MAGI2: variants seen among roughly 807,000 people sequenced by gnomAD.
The protein encoded by MAGI2 is membrane associated guanylate kinase, WW and PDZ domain containing 2.
MAGI2 carries 35 observed loss-of-function variants against 133.3 expected under a neutral mutation model. The ratio of observed to expected loss-of-function variants is 0.26; its 90% CI spans 0.20 to 0.35. The LOEUF (loss-of-function observed/expected upper bound fraction) is 0.35, where lower values mean the gene tolerates loss of function less well. Among genes scored for constraint, MAGI2 ranks in the 10% least tolerant of loss-of-function variants. The probability of loss-of-function intolerance (pLI) is 1.00; values close to 1 mark genes in which losing one functional copy is unlikely to be tolerated. For missense variants in MAGI2, 1,636 were observed against 1,863.4 expected, an observed-to-expected ratio of 0.88 and a Z score of 2.25; for synonymous variants, 729 against 710.6, an observed-to-expected ratio of 1.03 and a Z score of -0.41.
chr7:78,449,539 CAG>C (rs1319768283), intron 6 of MAGI2, among the ~76,000 whole-genome samples: 2 of 152,044 alleles, frequency 1.3e-5, no homozygotes, highest in African/African-American at 2.4e-5. Context: ...AAGTTCTAAG[CAG>C]AGTCTTGCTC....
intron 2 of MAGI2, among the ~76,000 whole-genome samples, chr7:78,704,777 T>TCTTTTTTTTTTCC: frequency 1.7e-5 from 2 of 117,972 alleles, no homozygotes; most frequent in South Asian, 5.3e-4. Flanking sequence ...AGGCCATTAT[T>TCTTTTTTTTTTCC]CTTTTTTTTT....
intron 2 of MAGI2, among the ~76,000 whole-genome samples, chr7:78,697,069 A>G (rs1186353953): frequency 6.6e-6 from 1 of 152,212 alleles, no homozygotes; most frequent in Non-Finnish European, 1.5e-5. Context: ...ACAAGGTGAA[A>G]CTATAATTTG....
chr7:78,204,344 T>A (rs1485124166), intron 10 of MAGI2, among the ~76,000 whole-genome samples: 2 of 152,152 alleles, frequency 1.3e-5, no homozygotes, highest in African/African-American at 4.8e-5. Flanking sequence ...ATTCTAAGCA[T>A]TTTGCTAGGC....
At chr7:78,729,208 A>G (rs900539490) in intron 2 of MAGI2, among the ~76,000 whole-genome samples, 2 of 152,232 alleles carry the variant, frequency 1.3e-5, no homozygotes, top group Non-Finnish European at 1.5e-5. Context: ...CCACTGGGAT[A>G]CAAGTTAAGA....
At chr7:78,873,670 C>T (rs477480) in intron 2 of MAGI2, among the ~76,000 whole-genome samples, 104,896 of 151,924 alleles carry the variant, frequency 0.69, 36,507 homozygotes, top group Middle Eastern at 0.76. Flanking sequence ...AAATGTAATG[C>T]GCTTGAATCA....
At chr7:78,863,341 A>G (rs1230599599) in intron 2 of MAGI2, among the ~76,000 whole-genome samples, 1 of 152,132 alleles carries the variant, frequency 6.6e-6, no homozygotes, top group Non-Finnish European at 1.5e-5. Context: ...AAAATTGTGC[A>G]TCTGGTGAAA....
At chr7:79,152,729 C>T (rs1301289868) in intron 1 of MAGI2, among the ~76,000 whole-genome samples, 5 of 152,140 alleles carry the variant, frequency 3.3e-5, no homozygotes, top group African/African-American at 9.7e-5. Flanking sequence ...TTAGGTGGAG[C>T]AGACAGGTTG....
intron 6 of MAGI2, among the ~76,000 whole-genome samples, chr7:78,425,323 C>T (rs772883454): frequency 1.3e-5 from 2 of 152,110 alleles, no homozygotes; most frequent in Non-Finnish European, 2.9e-5. Flanking sequence ...TCCTCAGCCA[C>T]GTGGAACTGT....
chr7:78,481,985 G>A (rs1470699565), intron 6 of MAGI2, among the ~76,000 whole-genome samples: 2 of 151,820 alleles, frequency 1.3e-5, no homozygotes, highest in African/African-American at 2.4e-5. Flanking sequence ...TGCAGACTTG[G>A]AGAAAATGTT....
chr7:79,444,520 C>G (rs1406678627), intron 1 of MAGI2, among the ~76,000 whole-genome samples: 1 of 152,124 alleles, frequency 6.6e-6, no homozygotes, highest in Non-Finnish European at 1.5e-5. Flanking sequence ...ACACCAATAA[C>G]AGACAAACAC....
chr7:78,502,582 C>CTATTT (rs71517021), intron 4 of MAGI2, among the ~76,000 whole-genome samples: 76,031 of 151,390 alleles, frequency 0.5, 19,306 homozygotes, highest in South Asian at 0.57. Context: ...TATGATTATT[C>CTATTT]TATTATTTGT....
At chr7:79,146,667 C>A (rs1325356477) in intron 1 of MAGI2, among the ~76,000 whole-genome samples, 3 of 152,198 alleles carry the variant, frequency 2.0e-5, no homozygotes, top group Non-Finnish European at 4.4e-5. Flanking sequence ...CTCTTGCTTG[C>A]CATCATGTAA....
chr7:78,263,438 A>C (rs944661360), intron 9 of MAGI2, among the ~76,000 whole-genome samples: 1 of 152,168 alleles, frequency 6.6e-6, no homozygotes, highest in East Asian at 1.9e-4. Context: ...AACTTCTGCA[A>C]TAGTCTCTTA....
At chr7:79,292,800 A>AAAAAAAAG (rs1836608421) in intron 1 of MAGI2, among the ~76,000 whole-genome samples, 2 of 144,618 alleles carry the variant, frequency 1.4e-5, no homozygotes, top group Non-Finnish European at 1.5e-5. Flanking sequence ...AAAAAAAAAA[A>AAAAAAAAG]GGCAGCTCCT....
intron 1 of MAGI2, among the ~76,000 whole-genome samples, chr7:79,399,998 T>C (rs149278347): frequency 6.6e-6 from 1 of 152,320 alleles, no homozygotes; most frequent in African/African-American, 2.4e-5. Flanking sequence ...CAGGAAAATA[T>C]ATGTGAGTGC....
intron 20 of MAGI2, among the ~76,000 whole-genome samples, chr7:78,110,873 A>C (rs1819291718): frequency 6.6e-6 from 1 of 152,214 alleles, no homozygotes; most frequent in Non-Finnish European, 1.5e-5. Flanking sequence ...AGAAACGTGA[A>C]TGGCCTGAGA....
rs758074514 is a variant in MAGI2 at position 78,177,966 on chromosome 7, A to G, written c.2403+45T>C. On this transcript the variant is annotated intron_variant, in intron 14 of 21. Coordinates refer to ENST00000354212, the MANE Select transcript of MAGI2 (RefSeq NM_012301.4). ...ACACTATTTTCCCTGGTGTTTACTC[A>G]TACAATACAGCCCCAAGCATGGAAA... 4 of 1,365,480 alleles carry G rather than the reference A, an allele frequency of 2.9e-6. No homozygotes were observed. The African/African-American group carries it at 4.3e-5, about 15-fold the overall frequency. 84.6% of individuals were successfully genotyped at this position (1,365,480 alleles called of 1,614,324 possible).
At chr7:78,532,708 A>G (rs1247066313) in intron 3 of MAGI2, among the ~76,000 whole-genome samples, 1 of 152,254 alleles carries the variant, frequency 6.6e-6, no homozygotes, top group East Asian at 1.9e-4. Flanking sequence ...ATTTAGATGT[A>G]AGTAGTACTA....
intron 13 of MAGI2, among the ~76,000 whole-genome samples, chr7:78,184,094 A>G (rs936380736): frequency 6.6e-6 from 1 of 152,204 alleles, no homozygotes; most frequent in Non-Finnish European, 1.5e-5. Context: ...CTACTGGGCC[A>G]TTCTCCTTCT....
Sources: gnomAD v4.1 joint callset for allele counts (sites outside exome capture counted in the v4.1 genomes callset) on GRCh38, gnomAD v4.1.1 for gene constraint, MANE v1.5 for transcripts, NCBI Gene and HGNC (gene_info 2026-07-23, HGNC 2026-07-21) for gene names.